ZNF711: variants seen among roughly 807,000 people sequenced by gnomAD.
The protein encoded by ZNF711 is zinc finger protein 711.
In ZNF711, 3 loss-of-function variants were observed where a neutral mutation model predicts 43.5. The observed-to-expected ratio is 0.07, with a 90% confidence interval of 0.03 to 0.18. The LOEUF (loss-of-function observed/expected upper bound fraction) is 0.18, where lower values mean the gene tolerates loss of function less well. Among genes scored for constraint, ZNF711 ranks in the 10% least tolerant of loss-of-function variants. The pLI is 1.00. For synonymous variants in ZNF711, 209 were observed against 207.7 expected (o/e 1.01, Z -0.06); for missense variants, 412 against 604.0 (o/e 0.68, Z 3.33).
intron 2 of ZNF711, 116 bp downstream of exon 2, chrX:85,246,138 A>G (rs1929031185): frequency 8.9e-6 from 1 of 112,224 alleles, no homozygotes; most frequent in Non-Finnish European, 1.9e-5. Context: ...AAAGAAAGTA[A>G]TTACTCTAAT....
At chrX:85,254,196 G>C (rs1295687727) in intron 4 of ZNF711, among the ~76,000 whole-genome samples, 1 of 111,429 alleles carries the variant, frequency 9.0e-6, no homozygotes, top group Non-Finnish European at 1.9e-5. Flanking sequence ...TGGTTGGATT[G>C]TATAGTAAGT....
intron 5 of ZNF711, among the ~76,000 whole-genome samples, chrX:85,262,945 C>A (rs1303458295): frequency 1.8e-5 from 2 of 110,290 alleles, no homozygotes; most frequent in South Asian, 3.8e-4. Flanking sequence ...TTTAGGAGTG[C>A]TGAATTAATA....
intron 5 of ZNF711, among the ~76,000 whole-genome samples, chrX:85,263,692 G>A (rs1224772637): frequency 9.1e-6 from 1 of 109,898 alleles, no homozygotes; most frequent in Non-Finnish European, 1.9e-5. Context: ...TAATTTTTCT[G>A]TTATTAAATT....
At chrX:85,268,934 G>A (rs938185530) in intron 9 of ZNF711, among the ~76,000 whole-genome samples, 15 of 111,586 alleles carry the variant, frequency 1.3e-4, no homozygotes, top group African/African-American at 4.2e-4. Context: ...TGTTGATTTC[G>A]AGAAATTGAT....
At chrX:85,253,284 A>G (rs769517512) in intron 4 of ZNF711, among the ~76,000 whole-genome samples, 1 of 112,133 alleles carries the variant, frequency 8.9e-6, no homozygotes, top group Non-Finnish European at 1.9e-5. Context: ...TCAGGTGTTG[A>G]AAGATGCCTT....
Position 85,247,670 on chromosome X carries a change from T to G in ZNF711, c.79+19T>G. 4 of 1,181,159 alleles carry G rather than the reference T, an allele frequency of 3.4e-6. No individual in the cohort carries two copies. Among genetic ancestry groups the G allele is most frequent in the Non-Finnish European group, 4.6e-6 (4 of 867,880 alleles). On this transcript the variant is annotated intron_variant, in intron 4 of 10. Transcript: ENST00000674551. Reference sequence around the variant, plus strand: ...GATTTTGGTAAAGCATTTTCTTTGTTGTATTTTTTTCTTTTTTAGAAGTAA... The same window carrying G: ...GATTTTGGTAAAGCATTTTCTTTGTGGTATTTTTTTCTTTTTTAGAAGTAA...
At chrX:85,268,227 A>G (rs915526899) in intron 8 of ZNF711, 67 bp from the exon 9 acceptor site, 35 of 1,097,233 alleles carry the variant, frequency 3.2e-5, no homozygotes, top group African/African-American at 1.9e-5. Flanking sequence ...GATGTGATCC[A>G]CTAGTAGTCA....
chrX:85,252,970 A>ACAC (rs970420915), intron 4 of ZNF711, among the ~76,000 whole-genome samples: 3 of 112,080 alleles, frequency 2.7e-5, no homozygotes, highest in African/African-American at 9.7e-5. Context: ...GTGACAAATA[A>ACAC]CACTCTTTCA....
rs768204597 is a variant in ZNF711 at position 85,272,903 on chromosome X, T to TA, written c.*1079dup. 8.9e-6 allele frequency: 1 copy of TA among 112,215 alleles called. No individual in the cohort carries two copies. The highest frequency in any genetic ancestry group is 9.5e-5 in the Admixed American group (1 of 10,525). 9.2% of individuals were successfully genotyped at this position (112,215 alleles called of 1,213,427 possible). On this transcript the variant is annotated 3_prime_UTR_variant, in exon 11 of 11. Transcript: ENST00000674551. ...ATATTTAGTTTACAGTGTATAAACTTAAAATATGCATCCCTTTAACAACGC... is the reference window on the plus strand; with the variant it reads ...ATATTTAGTTTACAGTGTATAAACTTAAAAATATGCATCCCTTTAACAACGC...
intron 5 of ZNF711, among the ~76,000 whole-genome samples, chrX:85,259,683 T>C (rs1930472166): frequency 1.8e-5 from 2 of 111,120 alleles, no homozygotes; most frequent in Admixed American, 1.9e-4. Context: ...TTGATTTGGC[T>C]CTCAGCTTGG....
At chrX:85,249,143 A>G (rs1929323630) in intron 4 of ZNF711, among the ~76,000 whole-genome samples, 1 of 111,768 alleles carries the variant, frequency 8.9e-6, no homozygotes, top group Non-Finnish European at 1.9e-5. Flanking sequence ...TTGACTATGG[A>G]TGATTTAGAA....
At chrX:85,254,176 G>A (rs1224608995) in intron 4 of ZNF711, among the ~76,000 whole-genome samples, 1 of 111,183 alleles carries the variant, frequency 9.0e-6, no homozygotes, top group Admixed American at 9.5e-5. Flanking sequence ...AAAAATGCCC[G>A]AGATTGCAAT....
intron 5 of ZNF711, among the ~76,000 whole-genome samples, chrX:85,259,114 C>T (rs999145790): frequency 8.1e-5 from 9 of 111,361 alleles, no homozygotes; most frequent in African/African-American, 2.9e-4. Context: ...TTTCATTCTT[C>T]TGGATATGGC....
intron 8 of ZNF711, 26 bp from the exon 9 acceptor site, chrX:85,268,268 C>A (rs1280341088): frequency 1.5e-5 from 14 of 911,025 alleles, no homozygotes; most frequent in Non-Finnish European, 2.0e-5. Context: ...TGTAATTGGT[C>A]TTTTTTTTTT....
chrX:85,247,172 C>T lies in ZNF711; in HGVS notation c.-43C>T. The T allele has an allele frequency of 6.7e-6, 2 of 297,699 alleles. No homozygotes were observed. The highest frequency in any genetic ancestry group is 4.8e-5 in the East Asian group (1 of 20,844). The allele number at this position is 297,699 out of a possible 1,213,427, so 24.5% of individuals were successfully genotyped here. On this transcript the variant is annotated 5_prime_UTR_variant, in exon 3 of 11. Transcript: ENST00000674551. ...GATGAAATTCACTAATACTAGACAT[C>T]TGAGTCCTCTAGTAATGTATAAATA...
At position 85,250,386 on chromosome X, in the gene ZNF711, T is replaced by G. The variant is rs754884817; in HGVS notation, c.79+2735T>G. ...TCACTATCCCCTCCCTTTTTAGAAA[T>G]AATAAAATTGAAAGGTTTGTGAACT... On this transcript the variant is annotated intron_variant, in intron 4 of 10. Coordinates refer to ENST00000674551, the MANE Select transcript of ZNF711 (RefSeq NM_001330574.2). Among the ~76,000 whole-genome samples the G allele has an allele frequency of 4.1e-3, 464 of 111,969 alleles. 1 individual carries two copies. Among genetic ancestry groups the G allele is most frequent in the African/African-American group, 0.014 (442 of 30,901 alleles).
chrX:85,270,072 G>C lies in ZNF711; in HGVS notation c.1172G>C (p.Gly391Ala). 1 of 1,209,729 alleles carries C rather than the reference G, an allele frequency of 8.3e-7. No individual in the cohort carries two copies. Among genetic ancestry groups the C allele is most frequent in the Non-Finnish European group, 1.1e-6 (1 of 894,114 alleles). ...GCACAGTACCTTCAAATTTGTGACG[G>C]CATTAATACAAATAAAGTACTTAAA... ...TAAQYLQICDGINTNKVLKQK... is the reference protein window; with the variant it reads ...TAAQYLQICDAINTNKVLKQK... The change falls in exon 10 of 11, where the codon GGC becomes GCC. Residue 391 changes from glycine to alanine, a missense_variant. By Grantham distance (60) the Gly-to-Ala change is moderately conservative. Around this residue, in one of 4 missense-constraint regions of ZNF711, gnomAD observed 375 missense variants for 514.2 expected, o/e 0.73. Transcript: ENST00000674551.
rs1449872088 is a variant in ZNF711, at chrX:85,257,873, T to TA, written c.622+2079dup. Among the ~76,000 whole-genome samples the TA allele has an allele frequency of 8.0e-4, 91 of 113,076 alleles. No individual in the cohort carries two copies. In the Admixed American group the frequency reaches 8.4e-3, roughly 10 times the overall value. On this transcript the variant is annotated intron_variant, in intron 5 of 10. Transcript: ENST00000674551. ...TTAGTAATGGCCATTCTGGCCATAA[T>TA]AAAAAAATAGTAGATGTTGGCATGG...
At chrX:85,248,497 A>G (rs887400971) in intron 4 of ZNF711, among the ~76,000 whole-genome samples, 4 of 106,145 alleles carry the variant, frequency 3.8e-5, no homozygotes, top group Non-Finnish European at 5.8e-5. Flanking sequence ...AAAAAAAAAA[A>G]GACTCCTTAC....
Sources: gnomAD v4.1 joint callset for allele counts (sites outside exome capture counted in the v4.1 genomes callset) on GRCh38, gnomAD v4.1.1 for gene constraint, gnomAD v4.1.1 regional missense constraint, MANE v1.5 for transcripts, NCBI Gene and HGNC (gene_info 2026-07-23, HGNC 2026-07-21) for gene names.